Variants in PARD3B observed in about 807,000 individuals in gnomAD.
PARD3B encodes the protein par-3 family cell polarity regulator beta.
In PARD3B, 103 loss-of-function variants were observed where a neutral mutation model predicts 130.2. That is an observed-to-expected ratio of 0.79 (90% confidence interval 0.67 to 0.93). The LOEUF (loss-of-function observed/expected upper bound fraction) is 0.93. PARD3B is among the 40% of genes least tolerant of loss of function. PARD3B has a pLI of 0.00. For synonymous variants in PARD3B, 583 were observed against 553.2 expected (o/e 1.05, Z -0.76); for missense variants, 1,609 against 1,499.2 (o/e 1.07, Z -1.21).
intron 2 of PARD3B, among the ~76,000 whole-genome samples, chr2:204,927,552 A>G (rs115118581): frequency 0.045 from 6,785 of 152,272 alleles, 208 homozygotes; most frequent in Middle Eastern, 0.099. Flanking sequence ...TGAGATAACA[A>G]TAACATAATT....
chr2:204,957,933 C>T (rs1559299135), intron 2 of PARD3B, among the ~76,000 whole-genome samples: 1 of 151,746 alleles, frequency 6.6e-6, no homozygotes, highest in Non-Finnish European at 1.5e-5. Context: ...TTTAATTTAA[C>T]TTGATAGTTG....
chr2:205,539,638 T>C (rs2106455393), intron 21 of PARD3B, among the ~76,000 whole-genome samples: 1 of 152,306 alleles, frequency 6.6e-6, no homozygotes, highest in East Asian at 1.9e-4. Context: ...TAACAATGGC[T>C]ACTAAAACCC....
At chr2:204,562,397 T>C (rs996003009) in intron 1 of PARD3B, among the ~76,000 whole-genome samples, 1 of 152,220 alleles carries the variant, frequency 6.6e-6, no homozygotes, top group Non-Finnish European at 1.5e-5. Context: ...TAAAATCAAA[T>C]GACATTGTAG....
chr2:205,270,851 C>T lies in PARD3B; in HGVS notation c.2185+25029C>T, dbSNP rs534998252. Among the ~76,000 whole-genome samples the T allele has an allele frequency of 7.2e-5, 11 of 152,144 alleles. No homozygotes were observed. The South Asian group carries it at 8.3e-4, about 12-fold the overall frequency. On this transcript the variant is annotated intron_variant, in intron 16 of 22. Transcript: ENST00000406610. Reference sequence around the variant, plus strand: ...TCTTACCAGTAAAAGCTAAGGTCTTCCCCCAGACGGCTTTAACACATTTCC... The same window carrying T: ...TCTTACCAGTAAAAGCTAAGGTCTTTCCCCAGACGGCTTTAACACATTTCC...
intron 3 of PARD3B, among the ~76,000 whole-genome samples, chr2:205,037,170 C>T (rs567751147): frequency 3.6e-4 from 52 of 142,554 alleles, no homozygotes; most frequent in African/African-American, 1.3e-3. Flanking sequence ...ACATATATAG[C>T]GGACTGTATA....
intron 19 of PARD3B, among the ~76,000 whole-genome samples, chr2:205,436,892 T>C (rs2047535804): frequency 6.6e-6 from 1 of 152,078 alleles, no homozygotes; most frequent in African/African-American, 2.4e-5. Context: ...TTCTCACTAC[T>C]TCACCTCCAT....
chr2:204,899,256 C>T (rs867183204), intron 2 of PARD3B, among the ~76,000 whole-genome samples: 3 of 128,286 alleles, frequency 2.3e-5, no homozygotes, highest in African/African-American at 6.5e-5. Context: ...CTCCCTCCCT[C>T]CCTTCCTTCC....
chr2:205,362,809 G>A (rs150330439), intron 18 of PARD3B, among the ~76,000 whole-genome samples: 3 of 152,314 alleles, frequency 2.0e-5, no homozygotes, highest in East Asian at 1.9e-4. Context: ...GTTACAGGGT[G>A]CTGAAATTAG....
In PARD3B at chr2:204,960,466, T is replaced by G. The variant is rs147966209; in HGVS notation, c.223-4686T>G. Among the ~76,000 whole-genome samples the G allele has an allele frequency of 2.3e-3, 352 of 152,298 alleles. 1 individual carries two copies. Among genetic ancestry groups the G allele is most frequent in the African/African-American group, 8.0e-3 (334 of 41,552 alleles). On this transcript the variant is annotated intron_variant, in intron 2 of 22. Coordinates refer to ENST00000406610, the MANE Select transcript of PARD3B (RefSeq NM_001302769.2). ...AAAAGGAGGAATTTATCGGCCATAA[T>G]TTCCAAAGCCAAACCAACAATAATG...
rs2035128352 is a variant in PARD3B, at chr2:204,642,883, G to A, written c.121-43298G>A. The stretch of plus-strand genomic sequence containing the variant: ...AATCCCAGCACTTTGGGAGGCCGAG[G>A]CGGGTGGATCACAAGGTCAGGAGAC... On this transcript the variant is annotated intron_variant, in intron 1 of 22. Coordinates refer to ENST00000406610, the MANE Select transcript of PARD3B (RefSeq NM_001302769.2). Among the ~76,000 whole-genome samples the A allele has an allele frequency of 2.0e-5, 3 of 151,338 alleles. No homozygotes were observed. The South Asian group carries it at 6.3e-4, about 32-fold the overall frequency.
chr2:205,292,322 A>G lies in PARD3B; in HGVS notation c.2186-8208A>G, dbSNP rs1323715316. Among the ~76,000 whole-genome samples the G allele has an allele frequency of 3.9e-5, 6 of 152,152 alleles. No homozygotes were observed. The highest frequency in any genetic ancestry group is 6.5e-5 in the Admixed American group (1 of 15,286). ...CCATGTGAGGACACAATGAGAACAC[A>G]GGCATCCATGGACCAGGAAGCAGGC... On this transcript the variant is annotated intron_variant, in intron 16 of 22. Transcript: ENST00000406610. The surrounding 1 kb of genome is among the most constrained non-coding windows in gnomAD (Gnocchi z 5.3).
intron 1 of PARD3B, among the ~76,000 whole-genome samples, chr2:204,548,184 A>G (rs1488900868): frequency 6.6e-6 from 1 of 152,212 alleles, no homozygotes; most frequent in East Asian, 1.9e-4. Flanking sequence ...GTCAATAAAT[A>G]CCCTAACAAA....
At chr2:204,801,437 G>A (rs1038971017) in intron 2 of PARD3B, among the ~76,000 whole-genome samples, 6 of 152,114 alleles carry the variant, frequency 3.9e-5, no homozygotes, top group Non-Finnish European at 8.8e-5. Context: ...CACATCCCTT[G>A]TAAGTTGTAT....
intron 15 of PARD3B, among the ~76,000 whole-genome samples, chr2:205,213,518 C>G (rs1056343725): frequency 6.6e-6 from 1 of 152,220 alleles, no homozygotes; most frequent in African/African-American, 2.4e-5. Context: ...TCAGAAACCC[C>G]GTGGACCACG....
rs1559158190 is a variant in PARD3B at position 204,563,267 on chromosome 2, T to TCTCTCTC, written c.120+17148_120+17149insCTCTCTC. Among the ~76,000 whole-genome samples the TCTCTCTC allele has an allele frequency of 4.4e-4, 26 of 59,296 alleles. 1 individual carries two copies. Among genetic ancestry groups the TCTCTCTC allele is most frequent in the Middle Eastern group, 0.011 (1 of 90 alleles). The allele number at this position is 59,296 out of a possible 152,430, so 38.9% of individuals were successfully genotyped here. On this transcript the variant is annotated intron_variant, in intron 1 of 22. Coordinates refer to ENST00000406610, the MANE Select transcript of PARD3B (RefSeq NM_001302769.2). Reference sequence around the variant, plus strand: ...TCTCTCTCTCTCTCTCTCTCTCTCTTTCTCTCTTCTCCCTTTATAAGGACA... The same window carrying TCTCTCTC: ...TCTCTCTCTCTCTCTCTCTCTCTCTTCTCTCTCTCTCTCTTCTCCCTTTATAAGGACA...
intron 10 of PARD3B, among the ~76,000 whole-genome samples, chr2:205,141,153 A>T (rs886903870): frequency 2.6e-5 from 4 of 152,224 alleles, no homozygotes; most frequent in African/African-American, 9.6e-5. Context: ...GTATAAAAGT[A>T]TTCTGAATTA....
At chr2:204,825,140 G>C (rs1309587568) in intron 2 of PARD3B, among the ~76,000 whole-genome samples, 3 of 152,220 alleles carry the variant, frequency 2.0e-5, no homozygotes, top group Non-Finnish European at 4.4e-5. Flanking sequence ...ATGGGTCAGA[G>C]TTCTACTGTC....
chr2:205,480,745 G>A (rs768088262), intron 20 of PARD3B, among the ~76,000 whole-genome samples: 2 of 152,148 alleles, frequency 1.3e-5, no homozygotes, highest in African/African-American at 4.8e-5. Flanking sequence ...TTCTTGTGGT[G>A]GAAGGCAGAC....
At chr2:205,310,648 G>C (rs779995983) in intron 18 of PARD3B, among the ~76,000 whole-genome samples, 18 of 151,298 alleles carry the variant, frequency 1.2e-4, no homozygotes, top group Non-Finnish European at 2.5e-4. Context: ...GTTCATCCAT[G>C]CTGCTGCAAA....
Sources: gnomAD v4.1 joint callset for allele counts (sites outside exome capture counted in the v4.1 genomes callset) on GRCh38, gnomAD v4.1.1 for gene constraint, Gnocchi (gnomAD v3.1) non-coding constraint, MANE v1.5 for transcripts, NCBI Gene and HGNC (gene_info 2026-07-23, HGNC 2026-07-21) for gene names.